The following SEPHS1 variants were observed in gnomAD, a reference collection of about 807,000 sequenced individuals.
SEPHS1 encodes selenophosphate synthetase 1.
SEPHS1 carries 7 observed loss-of-function variants against 39.2 expected under a neutral mutation model. That is an observed-to-expected ratio of 0.18 (90% CI 0.10 to 0.34). The LOEUF is 0.34. Among genes scored for constraint, SEPHS1 ranks in the 10% least tolerant of loss-of-function variants. SEPHS1 has a pLI of 1.00. For missense variants in SEPHS1, 253 were observed against 514.5 expected (o/e 0.49, Z 4.92); for synonymous variants, 190 against 195.5 (o/e 0.97, Z 0.23).
intron 8 of SEPHS1, 28 bp downstream of exon 8, chr10:13,322,807 G>C (rs1209445066): frequency 6.2e-7 from 1 of 1,601,970 alleles, no homozygotes; most frequent in Non-Finnish European, 8.5e-7. Context: ...TCACTATTTA[G>C]TCCTCAGATG....
In SEPHS1 at chr10:13,319,103, C is replaced by G. The variant is rs763886552; in HGVS notation, c.*39G>C. Reference sequence around the variant, plus strand: ...AATTGAAGTGATAAGGGAAATAGATCTATTTAAAAACAAAACCAAACAGCT... The same window carrying G: ...AATTGAAGTGATAAGGGAAATAGATGTATTTAAAAACAAAACCAAACAGCT... On this transcript the variant is annotated 3_prime_UTR_variant, in exon 9 of 9. Transcript: ENST00000327347. 1.1e-5 allele frequency: 17 copies of G among 1,579,570 alleles called. No individual in the cohort carries two copies. Among genetic ancestry groups the G allele is most frequent in the Non-Finnish European group, 1.4e-5 (16 of 1,152,890 alleles).
intron 3 of SEPHS1, 134 bp from the exon 4 acceptor site, chr10:13,336,484 A>AG (rs1193472083): frequency 8.6e-6 from 6 of 699,652 alleles, no homozygotes; most frequent in Non-Finnish European, 1.3e-5. Flanking sequence ...TGGGGTCCTC[A>AG]GTTTCTATGA....
chr10:13,336,595 T>C (rs1225404847), intron 3 of SEPHS1, among the ~76,000 whole-genome samples: 1 of 152,204 alleles, frequency 6.6e-6, no homozygotes, highest in Admixed American at 6.5e-5. Flanking sequence ...GGACAAAGAA[T>C]GTACCAGTTT....
chr10:13,325,418 C>T (rs1012626048), intron 7 of SEPHS1, among the ~76,000 whole-genome samples: 1 of 152,120 alleles, frequency 6.6e-6, no homozygotes, highest in Non-Finnish European at 1.5e-5. Flanking sequence ...CGGTTTCCCT[C>T]GTGCTGTTCT....
intron 8 of SEPHS1, among the ~76,000 whole-genome samples, chr10:13,319,966 A>T (rs894291350): frequency 6.6e-6 from 1 of 152,190 alleles, no homozygotes; most frequent in East Asian, 1.9e-4. Context: ...CACTGAAACA[A>T]ATATTGACAA....
chr10:13,320,755 G>A (rs1833086110), intron 8 of SEPHS1, among the ~76,000 whole-genome samples: 1 of 152,088 alleles, frequency 6.6e-6, no homozygotes, highest in Non-Finnish European at 1.5e-5. Context: ...TTGAACCGGG[G>A]AGGGGGAGGT....
chr10:13,329,586 T>C, intron 6 of SEPHS1, 112 bp downstream of exon 6: 1 of 739,116 alleles, frequency 1.4e-6, no homozygotes, highest in Non-Finnish European at 2.3e-6. Context: ...ACTTGACTAA[T>C]ATTAACTCCC....
intron 3 of SEPHS1, 113 bp from the exon 4 acceptor site, chr10:13,336,463 A>G (rs1833638649): frequency 1.3e-6 from 1 of 764,330 alleles, no homozygotes; most frequent in Non-Finnish European, 2.3e-6. Context: ...CAGGAGTAGC[A>G]GCTACTAGGA....
chr10:13,322,545 A>G (rs1025536513), intron 8 of SEPHS1, among the ~76,000 whole-genome samples: 1 of 152,184 alleles, frequency 6.6e-6, no homozygotes, highest in African/African-American at 2.4e-5. Flanking sequence ...TTAATTTCAA[A>G]TGCGAAGCTT....
intron 8 of SEPHS1, chr10:13,322,144 T>G: frequency 6.1e-4 from 1 of 1,650 alleles, no homozygotes; most frequent in Non-Finnish European, 2.4e-3. Flanking sequence ...TTCTCTTTTC[T>G]TTTTTTTTTT....
At chr10:13,343,493 T>C (rs996120338) in intron 2 of SEPHS1, among the ~76,000 whole-genome samples, 1 of 152,118 alleles carries the variant, frequency 6.6e-6, no homozygotes, top group Admixed American at 6.6e-5. Context: ...CAATGAACCT[T>C]ACCAAATAAT....
chr10:13,329,235 A>T (rs1014531681), intron 6 of SEPHS1, among the ~76,000 whole-genome samples: 15 of 152,252 alleles, frequency 9.9e-5, no homozygotes, highest in African/African-American at 3.6e-4. Context: ...TATTTATCAA[A>T]ATGTTCTGAG....
In SEPHS1 at chr10:13,344,915, G is replaced by A. The variant is rs754690888; in HGVS notation, c.36C>T (p.Tyr12=). The change falls in exon 2 of 9, where the codon TAC becomes TAT. Residue 12 remains tyrosine (Y), a synonymous_variant. Transcript: ENST00000327347. ...TTAGCCGGAAGCTTTTGTCCAATTCGTAACTTTCCGGGTTAAAGGACTCCC... is the reference window on the plus strand; with the variant it reads ...TTAGCCGGAAGCTTTTGTCCAATTCATAACTTTCCGGGTTAAAGGACTCCC... ...STRESFNPES[Y]ELDKSFRLTR... 8 of 1,593,482 alleles carry A rather than the reference G, an allele frequency of 5.0e-6. No individual in the cohort carries two copies. The highest frequency in any genetic ancestry group is 1.3e-5 in the African/African-American group (1 of 74,382).
At position 13,326,898 on chromosome 10, in the gene SEPHS1, T is replaced by C. The variant is rs116684892; in HGVS notation, c.751+1453A>G. Among the ~76,000 whole-genome samples the C allele has an allele frequency of 7.0e-3, 1,067 of 152,162 alleles. 15 individuals carry two copies. Among genetic ancestry groups the C allele is most frequent in the African/African-American group, 0.024 (1,016 of 41,492 alleles). ...TATTTCCAAATGAATTGTAAAACAA[T>C]AGGTAAAAGATAATTGTGGTACATT... On this transcript the variant is annotated intron_variant, in intron 7 of 8. Transcript: ENST00000327347.
intron 8 of SEPHS1, chr10:13,322,113 AT>A (rs1309484891): frequency 7.0e-6 from 3 of 430,064 alleles, no homozygotes; most frequent in Non-Finnish European, 1.4e-5. Context: ...ATCCTATTGC[AT>A]TCTTTTTTAT....
At chr10:13,338,353 G>A (rs1833699382) in intron 3 of SEPHS1, among the ~76,000 whole-genome samples, 1 of 152,188 alleles carries the variant, frequency 6.6e-6, no homozygotes, top group African/African-American at 2.4e-5. Context: ...AGGGGTGATG[G>A]AGGTTACCAA....
chr10:13,323,117 T>A, intron 7 of SEPHS1, 70 bp from the exon 8 acceptor site: 1 of 1,233,240 alleles, frequency 8.1e-7, no homozygotes. Context: ...CGTCCACAAT[T>A]AATCTGCAAC....
At chr10:13,331,404 G>T (rs1245857455) in intron 5 of SEPHS1, among the ~76,000 whole-genome samples, 31 of 135,252 alleles carry the variant, frequency 2.3e-4, no homozygotes, top group Non-Finnish European at 4.1e-4. Context: ...TTTTTTTTTT[G>T]AAACTGAGTT....
chr10:13,321,793 C>G (rs1833126442), intron 8 of SEPHS1, among the ~76,000 whole-genome samples: 1 of 152,194 alleles, frequency 6.6e-6, no homozygotes, highest in South Asian at 2.1e-4. Flanking sequence ...GGGTGGCGGC[C>G]TCGGCGGCCG....
Sources: gnomAD v4.1 joint callset for allele counts (sites outside exome capture counted in the v4.1 genomes callset) on GRCh38, gnomAD v4.1.1 for gene constraint, MANE v1.5 for transcripts, NCBI Gene and HGNC (gene_info 2026-07-23, HGNC 2026-07-21) for gene names.